ASIC2: variants seen among roughly 807,000 people sequenced by gnomAD.
ASIC2 encodes the protein acid sensing ion channel subunit 2.
In ASIC2, 25 loss-of-function variants were observed where a neutral mutation model predicts 57.3. The ratio of observed to expected loss-of-function variants is 0.44; its 90% confidence interval spans 0.32 to 0.61. The LOEUF (loss-of-function observed/expected upper bound fraction) is 0.61, where lower values mean the gene tolerates loss of function less well. ASIC2 is among the 20% of genes least tolerant of loss of function. ASIC2 has a pLI of 0.06. For synonymous variants in ASIC2, 319 were observed against 307.5 expected, an observed-to-expected ratio of 1.04 and a Z score of -0.39; for missense variants, 641 against 738.1, an observed-to-expected ratio of 0.87 and a Z score of 1.52.
At chr17:33,462,424 G>A (rs1912670092) in intron 1 of ASIC2, among the ~76,000 whole-genome samples, 1 of 152,158 alleles carries the variant, frequency 6.6e-6, no homozygotes, top group African/African-American at 2.4e-5. Flanking sequence ...TGTGGATAAG[G>A]TGGAGGTGAT....
At chr17:33,489,023 T>A (rs750012002) in intron 1 of ASIC2, among the ~76,000 whole-genome samples, 1 of 152,100 alleles carries the variant, frequency 6.6e-6, no homozygotes, top group Non-Finnish European at 1.5e-5. Context: ...TCTTCAATGT[T>A]CTGCCTTCAA....
chr17:33,882,018 C>T (rs1244255092), intron 1 of ASIC2, among the ~76,000 whole-genome samples: 4 of 152,148 alleles, frequency 2.6e-5, no homozygotes, highest in African/African-American at 4.8e-5. Context: ...GAAAGGATTC[C>T]GTATTTAATA....
intron 1 of ASIC2, among the ~76,000 whole-genome samples, chr17:33,313,776 T>C (rs1906530603): frequency 6.6e-6 from 1 of 152,120 alleles, no homozygotes; most frequent in Non-Finnish European, 1.5e-5. Context: ...AATTGTTCCC[T>C]GGCGGAATCG....
chr17:34,051,553 C>CT (rs1401084574), intron 1 of ASIC2, among the ~76,000 whole-genome samples: 1 of 152,226 alleles, frequency 6.6e-6, no homozygotes, highest in African/African-American at 2.4e-5. Context: ...ATCCACCCTT[C>CT]TTAAAAGGCC....
At chr17:33,614,182 G>T (rs981152770) in intron 1 of ASIC2, among the ~76,000 whole-genome samples, 12 of 152,156 alleles carry the variant, frequency 7.9e-5, no homozygotes, top group Non-Finnish European at 1.5e-5. Flanking sequence ...TTAAGGATGG[G>T]TGTCCTTATT....
chr17:33,081,504 C>T (rs576753748), intron 3 of ASIC2, among the ~76,000 whole-genome samples: 3 of 151,902 alleles, frequency 2.0e-5, no homozygotes, highest in South Asian at 2.1e-4. Context: ...TATGCGGCTC[C>T]ATCTTTGGCC....
At chr17:33,217,492 G>A (rs1022927798) in intron 1 of ASIC2, among the ~76,000 whole-genome samples, 2 of 152,188 alleles carry the variant, frequency 1.3e-5, no homozygotes, top group African/African-American at 2.4e-5. Flanking sequence ...ATGGCTGAGC[G>A]AGCCCGGAGC....
At chr17:33,619,662 A>G (rs989610801) in intron 1 of ASIC2, among the ~76,000 whole-genome samples, 1 of 152,234 alleles carries the variant, frequency 6.6e-6, no homozygotes, top group African/African-American at 2.4e-5. Context: ...GGAGGTGACC[A>G]TAACATCTCT....
intron 1 of ASIC2, among the ~76,000 whole-genome samples, chr17:33,926,427 C>T (rs953344648): frequency 1.3e-5 from 2 of 152,212 alleles, no homozygotes; most frequent in African/African-American, 4.8e-5. Context: ...AGTCTAAGCA[C>T]AAAATTTATA....
upstream of ASIC2, among the ~76,000 whole-genome samples, chr17:33,293,447 G>A (rs1046660624): frequency 1.3e-5 from 2 of 152,214 alleles, no homozygotes; most frequent in African/African-American, 4.8e-5. Flanking sequence ...GGCCGGGTGC[G>A]GGGGTGGGGT....
chr17:33,087,276 A>C (rs1436150903), intron 3 of ASIC2, among the ~76,000 whole-genome samples: 2 of 152,102 alleles, frequency 1.3e-5, no homozygotes, highest in Non-Finnish European at 2.9e-5. Flanking sequence ...CCTCAAGGAT[A>C]TATTTTCCTG....
chr17:33,974,932 T>C (rs1447025868), intron 1 of ASIC2, among the ~76,000 whole-genome samples: 1 of 152,166 alleles, frequency 6.6e-6, no homozygotes, highest in Non-Finnish European at 1.5e-5. Context: ...TCCATAGTAC[T>C]TTATCATGTT....
Position 33,103,032 on chromosome 17 carries a change from C to T in ASIC2, c.859+8885G>A, listed in dbSNP as rs144050609. On this transcript the variant is annotated intron_variant, in intron 2 of 9. Coordinates refer to ENST00000225823, the MANE Select transcript of ASIC2 (RefSeq NM_183377.2). The stretch of plus-strand genomic sequence containing the variant: ...TCTCCTGACCTCGTGATCCGCCCGC[C>T]TTGGCCTCCCAAAGTGCTGGTATTA... Among the ~76,000 whole-genome samples, 445 of 152,288 alleles carry T rather than the reference C, an allele frequency of 2.9e-3. 5 individuals are homozygous for T. Among genetic ancestry groups the T allele is most frequent in the African/African-American group, 0.01 (430 of 41,560 alleles).
chr17:33,687,439 A>G (rs1396000750), intron 1 of ASIC2, among the ~76,000 whole-genome samples: 1 of 152,190 alleles, frequency 6.6e-6, no homozygotes, highest in Non-Finnish European at 1.5e-5. Flanking sequence ...GTCAGGATAG[A>G]TTCTTCCAAC....
At chr17:33,322,955 T>C (rs1906927262) in intron 1 of ASIC2, among the ~76,000 whole-genome samples, 1 of 152,214 alleles carries the variant, frequency 6.6e-6, no homozygotes, top group African/African-American at 2.4e-5. Context: ...CATGGTATGA[T>C]AATTCAAGAG....
intron 2 of ASIC2, among the ~76,000 whole-genome samples, chr17:33,095,165 T>A (rs1303923389): frequency 6.6e-6 from 1 of 152,182 alleles, no homozygotes; most frequent in East Asian, 1.9e-4. Flanking sequence ...TCACCATGAA[T>A]TCAGTATTTC....
chr17:33,732,503 CTTT>C (rs35048594), intron 1 of ASIC2, among the ~76,000 whole-genome samples: 20 of 127,296 alleles, frequency 1.6e-4, no homozygotes, highest in African/African-American at 4.2e-4. Context: ...TAAGGAAATT[CTTT>C]TTTTTTTTTT....
intron 1 of ASIC2, among the ~76,000 whole-genome samples, chr17:33,913,511 C>T (rs920263861): frequency 2.6e-5 from 4 of 152,142 alleles, no homozygotes; most frequent in African/African-American, 9.7e-5. Context: ...TTAGCCCATG[C>T]CAATTCTTCT....
chr17:34,105,478 AC>A (rs1911012529), intron 1 of ASIC2, among the ~76,000 whole-genome samples: 1 of 47,772 alleles, frequency 2.1e-5, no homozygotes, highest in Non-Finnish European at 3.9e-5. Context: ...CCTTTCATCT[AC>A]CTTTTTTTTT....
Sources: allele counts gnomAD v4.1 joint callset (sites outside exome capture counted in the v4.1 genomes callset), GRCh38; gene constraint gnomAD v4.1.1; transcripts MANE v1.5; gene names NCBI Gene and HGNC (gene_info 2026-07-23, HGNC 2026-07-21).